The following CNTNAP2 variants were observed in gnomAD, a reference collection of about 807,000 sequenced individuals.
CNTNAP2 encodes contactin associated protein 2, also known as contactin-associated protein-like 2.
A neutral mutation model predicts 155.2 loss-of-function variants in CNTNAP2; 98 were observed. The ratio of observed to expected loss-of-function variants is 0.63; its 90% CI spans 0.54 to 0.75. The LOEUF is 0.75. Among genes scored for constraint, CNTNAP2 ranks in the 30% least tolerant of loss-of-function variants. The pLI, the probability that CNTNAP2 is intolerant of heterozygous loss-of-function variation, is 0.00. For synonymous variants in CNTNAP2, 651 were observed against 631.2 expected, an observed-to-expected ratio of 1.03 and a Z score of -0.47; for missense variants, 1,727 against 1,688.1, an observed-to-expected ratio of 1.02 and a Z score of -0.40.
chr7:146,692,121 C>T (rs891453519), intron 1 of CNTNAP2, among the ~76,000 whole-genome samples: 1 of 152,088 alleles, frequency 6.6e-6, no homozygotes, highest in Admixed American at 6.6e-5. Flanking sequence ...TTATGTTTTT[C>T]ATCTCTAGTT....
chr7:146,840,437 CT>C (rs1554399336), intron 3 of CNTNAP2, among the ~76,000 whole-genome samples: 3 of 152,092 alleles, frequency 2.0e-5, no homozygotes, highest in Non-Finnish European at 4.4e-5. Context: ...TCTCTATTAA[CT>C]TAAAAAGTTG....
chr7:146,208,378 A>G (rs1798981773), intron 1 of CNTNAP2, among the ~76,000 whole-genome samples: 1 of 152,156 alleles, frequency 6.6e-6, no homozygotes. Context: ...TCTTCTGTCA[A>G]GAAAAATTTC....
chr7:146,432,981 G>A (rs761184248), intron 1 of CNTNAP2, among the ~76,000 whole-genome samples: 2 of 152,090 alleles, frequency 1.3e-5, no homozygotes, highest in Admixed American at 6.5e-5. Context: ...AAAGAGACTC[G>A]AGCTAATGAA....
chr7:147,034,780 G>A (rs1799115667), intron 3 of CNTNAP2, among the ~76,000 whole-genome samples: 1 of 152,122 alleles, frequency 6.6e-6, no homozygotes, highest in Admixed American at 6.5e-5. Context: ...AGCGTCCCTT[G>A]GCTGAATCCG....
In CNTNAP2 at chr7:147,270,262, A is replaced by G. The variant is rs568776428; in HGVS notation, c.1349-29879A>G. 2.6e-5 allele frequency among the ~76,000 whole-genome samples: 4 copies of G among 152,310 alleles called. No individual in the cohort carries two copies. In the South Asian group the frequency reaches 8.3e-4, roughly 32 times the overall value. On this transcript the variant is annotated intron_variant, in intron 8 of 23. Coordinates refer to ENST00000361727, the MANE Select transcript of CNTNAP2 (RefSeq NM_014141.6). ...ATGAACCCTTGAAACACAGCATTCC[A>G]GATTGAGATGAGCTTCCATTGTGAA...
chr7:146,671,987 T>A, intron 1 of CNTNAP2, among the ~76,000 whole-genome samples: 1 of 152,022 alleles, frequency 6.6e-6, no homozygotes, highest in East Asian at 1.9e-4. Flanking sequence ...AAATAATTTT[T>A]GTATTTTTAG....
chr7:147,080,381 C>G (rs1800097426), intron 4 of CNTNAP2, among the ~76,000 whole-genome samples: 1 of 151,974 alleles, frequency 6.6e-6, no homozygotes, highest in African/African-American at 2.4e-5. Flanking sequence ...CGTATCCAGA[C>G]CCAGGCATAT....
At chr7:147,806,033 C>A (rs1454851672) in intron 13 of CNTNAP2, among the ~76,000 whole-genome samples, 1 of 152,106 alleles carries the variant, frequency 6.6e-6, no homozygotes, top group Non-Finnish European at 1.5e-5. Flanking sequence ...CTCCACACAG[C>A]AAGGGAGACA....
intron 13 of CNTNAP2, among the ~76,000 whole-genome samples, chr7:147,733,725 G>A (rs1796787283): frequency 6.6e-6 from 1 of 152,066 alleles, no homozygotes; most frequent in Admixed American, 6.6e-5. Context: ...TCCTTGAAGA[G>A]GTCCTTCACA....
intron 8 of CNTNAP2, among the ~76,000 whole-genome samples, chr7:147,173,255 G>C (rs900751017): frequency 1.3e-5 from 2 of 151,120 alleles, no homozygotes; most frequent in African/African-American, 2.4e-5. Flanking sequence ...CAAATGTTTA[G>C]AACTACCATT....
rs749593948 is a variant in CNTNAP2 at position 147,300,253 on chromosome 7, C to T, written c.1461C>T (p.Pro487=). 1.7e-5 allele frequency: 27 copies of T among 1,613,888 alleles called. No homozygotes were observed. Among genetic ancestry groups the T allele is most frequent in the Non-Finnish European group, 2.3e-5 (27 of 1,179,902 alleles). Reference sequence around the variant, plus strand: ...CATCAGCAGTTCGAACTAATAGTCCCCTTCAAGTTAAAACTGGCGAGAAGT... The same window carrying T: ...CATCAGCAGTTCGAACTAATAGTCCTCTTCAAGTTAAAACTGGCGAGAAGT... ...DEASAVRTNS[P]LQVKTGEKYF... is the part of the protein sequence containing the mutation. The change falls in exon 9 of 24, where the codon CCC becomes CCT. Residue 487 remains proline (P), a synonymous_variant. Transcript: ENST00000361727.
At chr7:146,247,088 T>A (rs958990005) in intron 1 of CNTNAP2, among the ~76,000 whole-genome samples, 5 of 152,198 alleles carry the variant, frequency 3.3e-5, no homozygotes, top group African/African-American at 1.2e-4. Flanking sequence ...TAATAAAATG[T>A]ATTTTGAGAA....
At chr7:147,723,108 G>A (rs1417010944) in intron 13 of CNTNAP2, among the ~76,000 whole-genome samples, 1 of 152,010 alleles carries the variant, frequency 6.6e-6, no homozygotes, top group African/African-American at 2.4e-5. Context: ...CAGTCAGCAA[G>A]TGGCTGGCAC....
intron 1 of CNTNAP2, among the ~76,000 whole-genome samples, chr7:146,340,283 GTTGTTT>G (rs1563046018): frequency 7.3e-6 from 1 of 137,514 alleles, no homozygotes. Context: ...TGTTGTTGTT[GTTGTTT>G]TTTTTTTTTT....
At chr7:147,930,542 T>TTA (rs1800481525) in intron 14 of CNTNAP2, among the ~76,000 whole-genome samples, 2 of 152,034 alleles carry the variant, frequency 1.3e-5, no homozygotes, top group Admixed American at 6.6e-5. Context: ...TGTAACAATT[T>TTA]TATATGCACC....
intron 1 of CNTNAP2, among the ~76,000 whole-genome samples, chr7:146,618,667 G>GTA (rs1325788900): frequency 6.6e-6 from 1 of 152,076 alleles, no homozygotes; most frequent in Non-Finnish European, 1.5e-5. Context: ...CATTTAATGA[G>GTA]TATATATATT....
chr7:146,146,835 A>C (rs1037431113), intron 1 of CNTNAP2, among the ~76,000 whole-genome samples: 1 of 152,194 alleles, frequency 6.6e-6, no homozygotes, highest in African/African-American at 2.4e-5. Flanking sequence ...TGTTATATGC[A>C]CTGTAGAGTT....
At chr7:146,613,368 G>C (rs1322670174) in intron 1 of CNTNAP2, among the ~76,000 whole-genome samples, 1 of 152,156 alleles carries the variant, frequency 6.6e-6, no homozygotes, top group African/African-American at 2.4e-5. Flanking sequence ...AGAAAATTAA[G>C]TCTTCATGAT....
chr7:147,487,353 C>G (rs1223671551), intron 11 of CNTNAP2, among the ~76,000 whole-genome samples: 1 of 152,026 alleles, frequency 6.6e-6, no homozygotes, highest in Non-Finnish European at 1.5e-5. Context: ...ATGATTGATA[C>G]TGAAATTAAT....
Sources: allele counts gnomAD v4.1 joint callset (sites outside exome capture counted in the v4.1 genomes callset), GRCh38; gene constraint gnomAD v4.1.1; transcripts MANE v1.5; gene names NCBI Gene and HGNC (gene_info 2026-07-23, HGNC 2026-07-21).